Variants in KLHL1 observed in about 807,000 individuals in gnomAD.
KLHL1 encodes the protein kelch-like protein 1.
In KLHL1, 47 loss-of-function variants were observed where a neutral mutation model predicts 77.7. That is an observed-to-expected ratio of 0.60 (90% CI 0.48 to 0.77). KLHL1 has a LOEUF of 0.77. Ranked by LOEUF, KLHL1 falls within the 30% of genes least tolerant of loss-of-function variation. The probability of loss-of-function intolerance (pLI) is 0.00; values close to 1 mark genes in which losing one functional copy is unlikely to be tolerated. For synonymous variants in KLHL1, 360 were observed against 325.2 expected (o/e 1.11, Z -1.15); for missense variants, 925 against 910.8 (o/e 1.02, Z -0.20).
intron 4 of KLHL1, among the ~76,000 whole-genome samples, chr13:69,901,826 T>TC (rs1156350514): frequency 7.0e-6 from 1 of 142,602 alleles, no homozygotes; most frequent in Non-Finnish European, 1.5e-5. Context: ...AGACGGAGTC[T>TC]CGCTCTTGTT....
intron 6 of KLHL1, among the ~76,000 whole-genome samples, chr13:69,821,784 ACTT>A (rs1161322862): frequency 6.6e-6 from 1 of 152,100 alleles, no homozygotes; most frequent in East Asian, 1.9e-4. Flanking sequence ...TTTACTTTAT[ACTT>A]CTTCATAAAT....
chr13:69,959,313 CT>C (rs959157826), intron 3 of KLHL1, among the ~76,000 whole-genome samples: 1 of 151,948 alleles, frequency 6.6e-6, no homozygotes, highest in Admixed American at 6.6e-5. Flanking sequence ...AGATCTCTGT[CT>C]TTTAGTTGCT....
chr13:70,047,451 A>C (rs1440002544), intron 1 of KLHL1, among the ~76,000 whole-genome samples: 1 of 151,888 alleles, frequency 6.6e-6, no homozygotes, highest in Non-Finnish European at 1.5e-5. Context: ...GTATAGGTGG[A>C]AAGTTTGTCC....
At chr13:69,747,537 C>A in intron 7 of KLHL1, among the ~76,000 whole-genome samples, 1 of 151,866 alleles carries the variant, frequency 6.6e-6, no homozygotes, top group East Asian at 1.9e-4. Context: ...TTTTGCAAAC[C>A]ATTGTAATTG....
chr13:69,977,149 G>T (rs1228175612), intron 1 of KLHL1, among the ~76,000 whole-genome samples: 2 of 151,922 alleles, frequency 1.3e-5, no homozygotes, highest in East Asian at 1.9e-4. Context: ...ACAATGCCTG[G>T]CATTAAAGGA....
At chr13:70,021,711 G>A (rs932345636) in intron 1 of KLHL1, among the ~76,000 whole-genome samples, 1 of 152,054 alleles carries the variant, frequency 6.6e-6, no homozygotes, top group Non-Finnish European at 1.5e-5. Flanking sequence ...GGTGCCTCAA[G>A]TGAAGCCCCA....
intron 7 of KLHL1, among the ~76,000 whole-genome samples, chr13:69,776,242 T>C (rs1875824461): frequency 6.6e-6 from 1 of 152,192 alleles, no homozygotes; most frequent in South Asian, 2.1e-4. Flanking sequence ...GCCCCTAGGC[T>C]CATTTAGCTT....
At chr13:69,812,191 G>C (rs1877911494) in intron 6 of KLHL1, among the ~76,000 whole-genome samples, 1 of 152,102 alleles carries the variant, frequency 6.6e-6, no homozygotes, top group Non-Finnish European at 1.5e-5. Flanking sequence ...AGGTTGTTCA[G>C]TTTCCATGCA....
intron 5 of KLHL1, among the ~76,000 whole-genome samples, chr13:69,880,235 C>T (rs1425313041): frequency 6.6e-6 from 1 of 152,222 alleles, no homozygotes; most frequent in East Asian, 1.9e-4. Context: ...TACTTTGCAT[C>T]TGTTTTTTAA....
intron 1 of KLHL1, among the ~76,000 whole-genome samples, chr13:70,002,370 G>GATTGGT (rs1885314171): frequency 6.6e-6 from 1 of 151,334 alleles, no homozygotes; most frequent in African/African-American, 2.4e-5. Context: ...AAATCAATTG[G>GATTGGT]ATTGGTTGGA....
At chr13:69,790,154 C>A (rs1337088011) in intron 7 of KLHL1, among the ~76,000 whole-genome samples, 1 of 152,050 alleles carries the variant, frequency 6.6e-6, no homozygotes, top group Non-Finnish European at 1.5e-5. Flanking sequence ...TTGTTGTACC[C>A]ATATAAAAGC....
At chr13:69,773,662 G>A (rs1294710957) in intron 7 of KLHL1, among the ~76,000 whole-genome samples, 1 of 151,810 alleles carries the variant, frequency 6.6e-6, no homozygotes, top group Non-Finnish European at 1.5e-5. Context: ...GGTCTTTCGA[G>A]TATGGAGCAC....
At chr13:69,885,002 G>C (rs1418894220) in intron 4 of KLHL1, among the ~76,000 whole-genome samples, 1 of 129,082 alleles carries the variant, frequency 7.7e-6, no homozygotes, top group East Asian at 2.0e-4. Flanking sequence ...CTGCAGTGGC[G>C]CAATCTCGGC....
At chr13:69,910,145 C>T (rs1882188775) in intron 4 of KLHL1, among the ~76,000 whole-genome samples, 1 of 152,018 alleles carries the variant, frequency 6.6e-6, no homozygotes. Flanking sequence ...CTTATGTTTG[C>T]ACAACACTTG....
At chr13:69,938,039 A>C (rs565778882) in intron 4 of KLHL1, among the ~76,000 whole-genome samples, 15 of 149,178 alleles carry the variant, frequency 1.0e-4, no homozygotes, top group East Asian at 3.9e-4. Context: ...AGAAAAAAAA[A>C]CACACACAAT....
chr13:69,968,141 A>G (rs1317820304), intron 2 of KLHL1, among the ~76,000 whole-genome samples: 2 of 151,820 alleles, frequency 1.3e-5, no homozygotes, highest in Non-Finnish European at 2.9e-5. Flanking sequence ...CACCCTGATC[A>G]ATCAGAAGCC....
At chr13:70,014,135 C>T in intron 1 of KLHL1, among the ~76,000 whole-genome samples, 1 of 152,006 alleles carries the variant, frequency 6.6e-6, no homozygotes, top group East Asian at 1.9e-4. Context: ...CTATGCTTCT[C>T]AGGTACTTAT....
At chr13:70,043,369 T>A (rs936724043) in intron 1 of KLHL1, among the ~76,000 whole-genome samples, 1 of 152,156 alleles carries the variant, frequency 6.6e-6, no homozygotes, top group African/African-American at 2.4e-5. Flanking sequence ...GTTTATAAGT[T>A]AAGAAAGTTA....
intron 5 of KLHL1, among the ~76,000 whole-genome samples, chr13:69,875,492 A>G (rs1435688732): frequency 6.6e-6 from 1 of 152,168 alleles, no homozygotes; most frequent in Non-Finnish European, 1.5e-5. Context: ...TCAAGCAGAA[A>G]CACTTAATAT....
Sources: gnomAD v4.1 joint callset for allele counts (sites outside exome capture counted in the v4.1 genomes callset) on GRCh38, gnomAD v4.1.1 for gene constraint, MANE v1.5 for transcripts, NCBI Gene and HGNC (gene_info 2026-07-23, HGNC 2026-07-21) for gene names.